The following PHACTR1 variants were observed in gnomAD, a reference collection of about 807,000 sequenced individuals.
PHACTR1 encodes the protein phosphatase and actin regulator 1, also known as RPEL repeat containing 1.
A neutral mutation model predicts 69.2 loss-of-function variants in PHACTR1; 16 were observed. The ratio of observed to expected loss-of-function variants is 0.23; its 90% CI spans 0.16 to 0.35. PHACTR1 has a LOEUF of 0.35. PHACTR1 is among the 10% of genes least tolerant of loss of function. The pLI, the probability that PHACTR1 is intolerant of heterozygous loss-of-function variation, is 1.00. For missense variants in PHACTR1, 510 were observed against 734.7 expected (o/e 0.69, Z 3.54); for synonymous variants, 312 against 284.5 (o/e 1.10, Z -0.97).
intron 5 of PHACTR1, among the ~76,000 whole-genome samples, chr6:13,108,767 A>G (rs575868508): frequency 2.0e-5 from 3 of 152,096 alleles, no homozygotes; most frequent in Non-Finnish European, 4.4e-5. Context: ...TTGGTTTCCA[A>G]TAGATAGCAT....
At chr6:12,885,466 C>G (rs190338509) in intron 4 of PHACTR1, among the ~76,000 whole-genome samples, 1 of 152,288 alleles carries the variant, frequency 6.6e-6, no homozygotes, top group Admixed American at 6.5e-5. Flanking sequence ...TTCTAGTAAG[C>G]AGGGATAGAG....
intron 6 of PHACTR1, among the ~76,000 whole-genome samples, chr6:13,173,581 TACTC>T (rs1440216532): frequency 6.6e-6 from 1 of 152,216 alleles, no homozygotes; most frequent in African/African-American, 2.4e-5. Flanking sequence ...AGTTAACTGT[TACTC>T]AACACATCAT....
intron 10 of PHACTR1, chr6:13,266,579 G>A (rs900845579): frequency 2.0e-5 from 3 of 152,690 alleles, no homozygotes; most frequent in Non-Finnish European, 2.9e-5. Flanking sequence ...CAGTTCTGCA[G>A]GCTGCACAGG....
At chr6:12,851,338 TAAGGGAATGC>T (rs1413164667) in intron 4 of PHACTR1, among the ~76,000 whole-genome samples, 8 of 152,160 alleles carry the variant, frequency 5.3e-5, no homozygotes, top group African/African-American at 1.7e-4. Context: ...GGGACATTAA[TAAGGGAATGC>T]AAGGAAATGC....
At chr6:13,101,429 A>G (rs575347461) in intron 5 of PHACTR1, among the ~76,000 whole-genome samples, 1 of 152,342 alleles carries the variant, frequency 6.6e-6, no homozygotes, top group Admixed American at 6.5e-5. Context: ...CCATAGCAGT[A>G]TGCTTCCAAG....
Position 13,250,887 on chromosome 6 carries a change from C to T in PHACTR1, c.1391+20694C>T, listed in dbSNP as rs574574529. Among the ~76,000 whole-genome samples, 33 of 152,306 alleles carry T rather than the reference C, an allele frequency of 2.2e-4. No homozygotes were observed. The South Asian group carries it at 6.8e-3, about 32-fold the overall frequency. On this transcript the variant is annotated intron_variant, in intron 10 of 14. Coordinates refer to ENST00000332995, the MANE Select transcript of PHACTR1 (RefSeq NM_030948.6). ...GATAGGAAGAGATGTGGCAAGAGCT[C>T]TGGCAAATTGCAAAACCGTGGAATA...
At chr6:12,953,078 T>C (rs1049975622) in intron 4 of PHACTR1, among the ~76,000 whole-genome samples, 1 of 152,106 alleles carries the variant, frequency 6.6e-6, no homozygotes, top group Non-Finnish European at 1.5e-5. Flanking sequence ...ATCTCAGCAC[T>C]TTGGGAGGCT....
intron 6 of PHACTR1, among the ~76,000 whole-genome samples, chr6:13,171,827 C>T (rs918495038): frequency 2.0e-5 from 3 of 152,084 alleles, no homozygotes; most frequent in African/African-American, 4.8e-5. Context: ...AATGCAATGG[C>T]GCAATCTCGG....
chr6:13,010,966 T>G (rs1176376766), intron 4 of PHACTR1, among the ~76,000 whole-genome samples: 2 of 152,244 alleles, frequency 1.3e-5, no homozygotes, highest in Admixed American at 6.5e-5. Flanking sequence ...AAGGAGGTAG[T>G]GCTGGAAGCT....
At chr6:13,127,304 C>G (rs569641683) in intron 5 of PHACTR1, among the ~76,000 whole-genome samples, 2 of 152,154 alleles carry the variant, frequency 1.3e-5, no homozygotes, top group Non-Finnish European at 2.9e-5. Context: ...TGGTAGCTCA[C>G]GCCTGTAATC....
intron 5 of PHACTR1, among the ~76,000 whole-genome samples, chr6:13,118,103 T>G (rs1004239981): frequency 6.6e-6 from 1 of 152,248 alleles, no homozygotes; most frequent in African/African-American, 2.4e-5. Context: ...GAATTAAAGC[T>G]TCCGAGAAAT....
chr6:13,228,858 A>T (rs1216715023), intron 9 of PHACTR1, among the ~76,000 whole-genome samples: 1 of 152,220 alleles, frequency 6.6e-6, no homozygotes, highest in Non-Finnish European at 1.5e-5. Context: ...GGGCTCTGTC[A>T]CATTCTGAAG....
At position 13,119,333 on chromosome 6, in the gene PHACTR1, A is replaced by T. The variant is rs556182628; in HGVS notation, c.416-40871A>T. ...CATTTGGCTTCAGAATTGACTTGAG[A>T]TTTTTCACGTATAAAGTTTACCAAT... On this transcript the variant is annotated intron_variant, in intron 5 of 14. Transcript: ENST00000332995. 2.6e-5 allele frequency among the ~76,000 whole-genome samples: 4 copies of T among 152,328 alleles called. No homozygotes were observed. The East Asian group carries it at 7.7e-4, about 29-fold the overall frequency.
chr6:13,190,555 C>G (rs1172452222), intron 7 of PHACTR1, among the ~76,000 whole-genome samples: 1 of 151,994 alleles, frequency 6.6e-6, no homozygotes, highest in Non-Finnish European at 1.5e-5. Flanking sequence ...ACTCAAGGCA[C>G]TTGGTTATAA....
At position 13,287,254 on chromosome 6, in the gene PHACTR1, G is replaced by A; in HGVS notation, c.*176G>A. 1 of 699,306 alleles carries A rather than the reference G, an allele frequency of 1.4e-6. No individual in the cohort carries two copies. Among genetic ancestry groups the A allele is most frequent in the Non-Finnish European group, 2.3e-6 (1 of 431,614 alleles). 43.3% of individuals were successfully genotyped at this position (699,306 alleles called of 1,614,324 possible). A position where few individuals can be genotyped will look rare whatever the true frequency, so the allele number is the denominator to read the frequency against. Reference sequence around the variant, plus strand: ...GGATTTTATGTGTGAAAACGCAAAAGTGATGGCTCGGCGGTCCGAGCTGCT... The same window carrying A: ...GGATTTTATGTGTGAAAACGCAAAAATGATGGCTCGGCGGTCCGAGCTGCT... On this transcript the variant is annotated 3_prime_UTR_variant, in exon 15 of 15. Coordinates refer to ENST00000332995, the MANE Select transcript of PHACTR1 (RefSeq NM_030948.6).
At chr6:12,769,790 C>T (rs1259362836) in intron 4 of PHACTR1, among the ~76,000 whole-genome samples, 5 of 152,080 alleles carry the variant, frequency 3.3e-5, no homozygotes, top group South Asian at 2.1e-4. Flanking sequence ...CTCTGTGAGG[C>T]GATGTTTTTG....
intron 4 of PHACTR1, among the ~76,000 whole-genome samples, chr6:12,938,761 G>A (rs561333908): frequency 4.6e-5 from 7 of 151,934 alleles, no homozygotes; most frequent in Non-Finnish European, 7.4e-5. Context: ...TGTTGCTATC[G>A]ACTAGCCTAC....
intron 4 of PHACTR1, among the ~76,000 whole-genome samples, chr6:12,853,182 T>C (rs536289170): frequency 1.3e-5 from 2 of 152,302 alleles, no homozygotes; most frequent in African/African-American, 4.8e-5. Context: ...ATGTATAAAA[T>C]TGGATAAAAA....
chr6:12,886,307 A>G (rs1316131559), intron 4 of PHACTR1, among the ~76,000 whole-genome samples: 1 of 152,048 alleles, frequency 6.6e-6, no homozygotes, highest in East Asian at 1.9e-4. Context: ...TCACAGACTT[A>G]CACTTTCCTG....
Sources: allele counts gnomAD v4.1 joint callset (sites outside exome capture counted in the v4.1 genomes callset), GRCh38; gene constraint gnomAD v4.1.1; transcripts MANE v1.5; gene names NCBI Gene and HGNC (gene_info 2026-07-23, HGNC 2026-07-21).